HYCC2: variants seen among roughly 807,000 people sequenced by gnomAD.
HYCC2 encodes hyccin PI4KA lipid kinase complex subunit 2.
the HYCC2 span, among the ~76,000 whole-genome samples, chr2:201,018,642 T>C: frequency 8.3e-3 from 1,263 of 152,326 alleles, 10 homozygotes; most frequent in Admixed American, 0.01. Flanking sequence ...AAGCCCTTTA[T>C]GTGAAATCAC....
chr2:201,065,884 C>T, the HYCC2 span, among the ~76,000 whole-genome samples: 1 of 151,928 alleles, frequency 6.6e-6, no homozygotes, highest in South Asian at 2.1e-4. Flanking sequence ...TATTTGGATG[C>T]TAATTAAATA....
the HYCC2 span, chr2:201,062,951 ACTGCTG>A: frequency 1.9e-6 from 2 of 1,038,752 alleles, no homozygotes; most frequent in African/African-American, 1.6e-5. Context: ...AACAACTACT[ACTGCTG>A]CTGCTGCTGC....
the HYCC2 span, among the ~76,000 whole-genome samples, chr2:201,003,790 T>C: frequency 1.7e-4 from 25 of 150,254 alleles, no homozygotes; most frequent in South Asian, 6.2e-4. Flanking sequence ...TTTGGGTTTT[T>C]TGTTGTTGTT....
At chr2:201,065,435 G>A in the HYCC2 span, among the ~76,000 whole-genome samples, 8 of 152,330 alleles carry the variant, frequency 5.3e-5, no homozygotes, top group African/African-American at 1.9e-4. Flanking sequence ...GTAAGTTTCA[G>A]TTTCTCTGGA....
the HYCC2 span, among the ~76,000 whole-genome samples, chr2:201,069,805 C>G: frequency 6.6e-6 from 1 of 152,064 alleles, no homozygotes; most frequent in Non-Finnish European, 1.5e-5. Context: ...CTGAGAACAT[C>G]TGGGAACAAA....
chr2:201,032,494 C>G, the HYCC2 span, among the ~76,000 whole-genome samples: 5 of 152,102 alleles, frequency 3.3e-5, no homozygotes, highest in Non-Finnish European at 7.4e-5. Context: ...CACAGCACTG[C>G]TCTTTCTTAA....
At chr2:201,052,143 C>CA in the HYCC2 span, 1 of 152,272 alleles carries the variant, frequency 6.6e-6, no homozygotes, top group Non-Finnish European at 1.5e-5. Flanking sequence ...ATTAAAAATA[C>CA]AAAAACTAGC....
chr2:201,016,437 T>C, the HYCC2 span, among the ~76,000 whole-genome samples: 1 of 152,060 alleles, frequency 6.6e-6, no homozygotes, highest in Non-Finnish European at 1.5e-5. Flanking sequence ...TACAGGCATA[T>C]GCCACCATGC....
At chr2:201,059,055 T>C in the HYCC2 span, among the ~76,000 whole-genome samples, 1 of 152,150 alleles carries the variant, frequency 6.6e-6, no homozygotes, top group African/African-American at 2.4e-5. Flanking sequence ...AACTGAAACA[T>C]TAGCTCTTCA....
At chr2:200,982,904 T>C in the HYCC2 span, among the ~76,000 whole-genome samples, 3 of 152,106 alleles carry the variant, frequency 2.0e-5, no homozygotes, top group Admixed American at 6.5e-5. Context: ...ATTACAGGCG[T>C]GTGTCACCAC....
At chr2:200,979,582 A>G in the HYCC2 span, 3 of 152,520 alleles carry the variant, frequency 2.0e-5, no homozygotes, top group Non-Finnish European at 2.9e-5. Flanking sequence ...TGTAATTTTA[A>G]TGGTAGAGAT....
the HYCC2 span, among the ~76,000 whole-genome samples, chr2:201,064,515 G>A: frequency 6.6e-6 from 1 of 152,152 alleles, no homozygotes; most frequent in Admixed American, 6.5e-5. Context: ...CTTGGGTGGA[G>A]AAGCTATTGT....
the HYCC2 span, among the ~76,000 whole-genome samples, chr2:201,054,714 A>G: frequency 1.3e-5 from 2 of 152,218 alleles, no homozygotes; most frequent in African/African-American, 2.4e-5. Flanking sequence ...ATTTTCCCCC[A>G]TAAAAAGTAG....
chr2:201,063,228 G>C, the HYCC2 span: 863 of 1,602,140 alleles, frequency 5.4e-4, 8 homozygotes, highest in African/African-American at 0.011. Flanking sequence ...GTGGTAATGA[G>C]AGATCCAAAC....
At chr2:200,999,584 T>C in the HYCC2 span, among the ~76,000 whole-genome samples, 5 of 151,110 alleles carry the variant, frequency 3.3e-5, no homozygotes, top group Admixed American at 6.6e-5. Flanking sequence ...GCGACAGGGT[T>C]TCACTATTTT....
the HYCC2 span, among the ~76,000 whole-genome samples, chr2:201,036,840 T>C: frequency 3.3e-5 from 5 of 152,014 alleles, no homozygotes; most frequent in Non-Finnish European, 2.9e-5. Context: ...TGGCACAAGA[T>C]AGGGATGCCC....
the HYCC2 span, among the ~76,000 whole-genome samples, chr2:201,046,018 CGTA>C: frequency 1.3e-5 from 2 of 152,016 alleles, no homozygotes; most frequent in Admixed American, 6.6e-5. Context: ...TCATTAAAAT[CGTA>C]ATATGCAGTA....
the HYCC2 span, among the ~76,000 whole-genome samples, chr2:201,049,348 TTTTTC>T: frequency 3.3e-5 from 5 of 151,960 alleles, no homozygotes; most frequent in Non-Finnish European, 5.9e-5. Context: ...ATTCTTTTCT[TTTTTC>T]TTTTCTTTTT....
chr2:200,997,965 G>A, the HYCC2 span, among the ~76,000 whole-genome samples: 1 of 152,186 alleles, frequency 6.6e-6, no homozygotes, highest in African/African-American at 2.4e-5. Flanking sequence ...GAACCCGGGA[G>A]GCGGAGGTTG....
Sources: allele counts gnomAD v4.1 joint callset (sites outside exome capture counted in the v4.1 genomes callset), GRCh38; gene constraint gnomAD v4.1.1; transcripts MANE v1.5; gene names NCBI Gene and HGNC (gene_info 2026-07-23, HGNC 2026-07-21).